The following CNTNAP5 variants were observed in gnomAD, a reference collection of about 807,000 sequenced individuals.
CNTNAP5 encodes contactin-associated protein-like 5.
A neutral mutation model predicts 150.2 loss-of-function variants in CNTNAP5; 72 were observed. That is an observed-to-expected ratio of 0.48 (90% CI 0.40 to 0.58). The LOEUF is 0.58. Among genes scored for constraint, CNTNAP5 ranks in the 20% least tolerant of loss-of-function variants. The probability of loss-of-function intolerance (pLI) is 0.00; values close to 1 mark genes in which losing one functional copy is unlikely to be tolerated. For synonymous variants in CNTNAP5, 672 were observed against 619.8 expected (o/e 1.08, Z -1.25); for missense variants, 1,636 against 1,626.2 (o/e 1.01, Z -0.10).
chr2:124,303,023 C>T (rs1688602728), intron 3 of CNTNAP5, among the ~76,000 whole-genome samples: 1 of 152,178 alleles, frequency 6.6e-6, no homozygotes, highest in East Asian at 1.9e-4. Context: ...AGGGACAAAC[C>T]CACCTTCCTG....
intron 3 of CNTNAP5, among the ~76,000 whole-genome samples, chr2:124,407,966 A>C (rs1279464302): frequency 6.6e-6 from 1 of 152,152 alleles, no homozygotes. Flanking sequence ...TTTCCATCTG[A>C]GGTACTGGGT....
At chr2:124,590,239 G>C (rs1696648960) in intron 11 of CNTNAP5, among the ~76,000 whole-genome samples, 1 of 152,110 alleles carries the variant, frequency 6.6e-6, no homozygotes, top group Non-Finnish European at 1.5e-5. Context: ...AGCAGACAGC[G>C]AACTAAGACA....
chr2:124,640,251 C>A (rs886545827), intron 12 of CNTNAP5, among the ~76,000 whole-genome samples: 1 of 151,730 alleles, frequency 6.6e-6, no homozygotes, highest in Non-Finnish European at 1.5e-5. Context: ...TATTTTAAAG[C>A]AAGAAAAAAG....
chr2:124,397,477 G>A (rs1258864292), intron 3 of CNTNAP5, among the ~76,000 whole-genome samples: 1 of 152,098 alleles, frequency 6.6e-6, no homozygotes, highest in Non-Finnish European at 1.5e-5. Flanking sequence ...TCATTCTCAT[G>A]AACTAATTAC....
chr2:124,665,136 A>G (rs540809584), intron 13 of CNTNAP5, among the ~76,000 whole-genome samples: 3 of 152,338 alleles, frequency 2.0e-5, no homozygotes, highest in Admixed American at 6.5e-5. Context: ...GAAAAATATC[A>G]TACCCAATAG....
At chr2:124,109,960 C>T (rs917826720) in intron 1 of CNTNAP5, among the ~76,000 whole-genome samples, 1 of 152,174 alleles carries the variant, frequency 6.6e-6, no homozygotes, top group African/African-American at 2.4e-5. Context: ...ATGGCTCTAG[C>T]TATTAGGGCA....
intron 3 of CNTNAP5, among the ~76,000 whole-genome samples, chr2:124,243,079 G>A (rs1475592051): frequency 2.6e-5 from 4 of 152,152 alleles, no homozygotes; most frequent in Non-Finnish European, 4.4e-5. Flanking sequence ...TGGGTGAAAG[G>A]CTGTCAGCAA....
At chr2:124,271,590 G>A (rs1687752836) in intron 3 of CNTNAP5, among the ~76,000 whole-genome samples, 1 of 152,042 alleles carries the variant, frequency 6.6e-6, no homozygotes, top group Admixed American at 6.6e-5. Context: ...ATACTTCTTA[G>A]GTTTTCATCA....
intron 18 of CNTNAP5, among the ~76,000 whole-genome samples, chr2:124,794,942 T>A (rs11123067): frequency 0.087 from 13,259 of 152,286 alleles, 1,054 homozygotes; most frequent in African/African-American, 0.21. Context: ...AATTGCTCAG[T>A]GTTCAAATTT....
At chr2:124,881,052 G>C (rs1677954576) in intron 21 of CNTNAP5, among the ~76,000 whole-genome samples, 1 of 152,122 alleles carries the variant, frequency 6.6e-6, no homozygotes, top group Admixed American at 6.6e-5. Context: ...AGAGTAGAGG[G>C]AGACAAGGGA....
intron 12 of CNTNAP5, among the ~76,000 whole-genome samples, chr2:124,619,908 C>CATATATATATAT (rs10540154): frequency 4.2e-4 from 48 of 115,520 alleles, no homozygotes; most frequent in African/African-American, 1.8e-3. Context: ...CTGTCTCATT[C>CATATATATATAT]ATATATATAT....
At chr2:124,306,643 C>T (rs2104652133) in intron 3 of CNTNAP5, among the ~76,000 whole-genome samples, 1 of 149,462 alleles carries the variant, frequency 6.7e-6, no homozygotes, top group South Asian at 2.2e-4. Flanking sequence ...TGCTATGGAA[C>T]AATCTCTACC....
At chr2:124,910,377 G>A (rs974783790) in intron 22 of CNTNAP5, among the ~76,000 whole-genome samples, 1 of 152,028 alleles carries the variant, frequency 6.6e-6, no homozygotes, top group Admixed American at 6.6e-5. Context: ...CGTTGTATCA[G>A]CCACTGTTGT....
chr2:124,191,340 C>T (rs1483779985), intron 1 of CNTNAP5, among the ~76,000 whole-genome samples: 1 of 152,062 alleles, frequency 6.6e-6, no homozygotes, highest in Non-Finnish European at 1.5e-5. Context: ...TGTACTAACC[C>T]CTTTTAGTTT....
At chr2:124,834,638 A>G (rs1397079023) in intron 19 of CNTNAP5, among the ~76,000 whole-genome samples, 1 of 152,078 alleles carries the variant, frequency 6.6e-6, no homozygotes, top group Non-Finnish European at 1.5e-5. Context: ...CTTTTAAATC[A>G]TGCTAAGGGA....
chr2:124,705,519 C>T (rs1573559640), intron 13 of CNTNAP5, among the ~76,000 whole-genome samples: 1 of 143,850 alleles, frequency 7.0e-6, no homozygotes, highest in South Asian at 2.3e-4. Flanking sequence ...CAGAGAGAGA[C>T]TCCATCTCAA....
chr2:124,725,605 T>C (rs1004748530), intron 13 of CNTNAP5, among the ~76,000 whole-genome samples: 1 of 151,086 alleles, frequency 6.6e-6, no homozygotes, highest in Non-Finnish European at 1.5e-5. Flanking sequence ...TTTTGGCACA[T>C]TTAAAGTATG....
intron 4 of CNTNAP5, among the ~76,000 whole-genome samples, chr2:124,418,950 A>C (rs918216762): frequency 2.7e-5 from 4 of 150,430 alleles, no homozygotes; most frequent in East Asian, 2.0e-4. Context: ...CTGGCTAACA[A>C]GGTGAAACCC....
At chr2:124,849,028 T>C (rs1683104329) in intron 19 of CNTNAP5, among the ~76,000 whole-genome samples, 1 of 152,198 alleles carries the variant, frequency 6.6e-6, no homozygotes, top group African/African-American at 2.4e-5. Context: ...TTTTGCTGTG[T>C]ATTCTTTTGG....
Sources: allele counts gnomAD v4.1 joint callset (sites outside exome capture counted in the v4.1 genomes callset), GRCh38; gene constraint gnomAD v4.1.1; transcripts MANE v1.5; gene names NCBI Gene and HGNC (gene_info 2026-07-23, HGNC 2026-07-21).